KLHL1: variants seen among roughly 807,000 people sequenced by gnomAD.
KLHL1 encodes kelch-like protein 1.
KLHL1 carries 47 observed loss-of-function variants against 77.7 expected under a neutral mutation model. That is an observed-to-expected ratio of 0.60 (90% CI 0.48 to 0.77). KLHL1 has a LOEUF of 0.77. Among genes scored for constraint, KLHL1 ranks in the 30% least tolerant of loss-of-function variants. The probability of loss-of-function intolerance (pLI) is 0.00; values close to 1 mark genes in which losing one functional copy is unlikely to be tolerated. For synonymous variants in KLHL1, 360 were observed against 325.2 expected (o/e 1.11, Z -1.15); for missense variants, 925 against 910.8 (o/e 1.02, Z -0.20).
intron 4 of KLHL1, among the ~76,000 whole-genome samples, chr13:69,891,045 AATATAATTTCTTTAAGCATTCAAATT>A (rs1881410362): frequency 6.6e-6 from 1 of 152,086 alleles, no homozygotes; most frequent in South Asian, 2.1e-4. Flanking sequence ...ATAAACATGG[AATATAATTTCTTTAAGCATTCAAATT>A]ATATGTTAGT....
intron 1 of KLHL1, among the ~76,000 whole-genome samples, chr13:70,007,212 T>C (rs186404154): frequency 5.7e-4 from 86 of 152,154 alleles, no homozygotes; most frequent in African/African-American, 1.9e-3. Flanking sequence ...CGTATTGCAA[T>C]AAATCAAATG....
chr13:69,760,072 T>C (rs1401316406), intron 7 of KLHL1, among the ~76,000 whole-genome samples: 1 of 152,174 alleles, frequency 6.6e-6, no homozygotes, highest in South Asian at 2.1e-4. Flanking sequence ...GTCTGGTAAA[T>C]GTCAAAAACG....
chr13:70,087,351 A>G (rs1397933337), intron 1 of KLHL1, among the ~76,000 whole-genome samples: 1 of 152,168 alleles, frequency 6.6e-6, no homozygotes, highest in Non-Finnish European at 1.5e-5. Flanking sequence ...ATGGGTAAAA[A>G]TACATAATCA....
intron 5 of KLHL1, among the ~76,000 whole-genome samples, chr13:69,840,698 A>ATATATATGTATG (rs976775077): frequency 0.056 from 8,115 of 146,076 alleles, 325 homozygotes; most frequent in Non-Finnish European, 0.089. Flanking sequence ...ATATATATAT[A>ATATATATGTATG]TATGTATGTA....
intron 4 of KLHL1, among the ~76,000 whole-genome samples, chr13:69,896,643 G>A (rs1366013012): frequency 6.6e-6 from 1 of 151,852 alleles, no homozygotes; most frequent in Non-Finnish European, 1.5e-5. Flanking sequence ...GATGAAAAAG[G>A]GATGGCTTTA....
rs77222583 is a variant in KLHL1, at chr13:70,076,215, A to T, written c.497+30988T>A. On this transcript the variant is annotated intron_variant, in intron 1 of 10. Transcript: ENST00000377844. ...AAAAAGGTAAAGTCGGAGGATTGACACTACACAACTTCCAGACTTACTAAA... is the reference window on the plus strand; with the variant it reads ...AAAAAGGTAAAGTCGGAGGATTGACTCTACACAACTTCCAGACTTACTAAA... Among the ~76,000 whole-genome samples the T allele has an allele frequency of 5.9e-5, 9 of 152,060 alleles. No individual in the cohort carries two copies. In the East Asian group the frequency reaches 1.5e-3, roughly 26 times the overall value.
intron 3 of KLHL1, among the ~76,000 whole-genome samples, chr13:69,941,440 A>G (rs1321766684): frequency 6.6e-6 from 1 of 152,094 alleles, no homozygotes; most frequent in Non-Finnish European, 1.5e-5. Context: ...TGTGGTATAC[A>G]GCAAAAGTGA....
chr13:69,893,266 C>G (rs1186780046), intron 4 of KLHL1, among the ~76,000 whole-genome samples: 1 of 142,070 alleles, frequency 7.0e-6, no homozygotes, highest in Admixed American at 7.3e-5. Context: ...CTCGCTCTGT[C>G]GCCCAGGCCG....
At chr13:69,797,812 G>A (rs1405324931) in intron 6 of KLHL1, among the ~76,000 whole-genome samples, 2 of 143,680 alleles carry the variant, frequency 1.4e-5, no homozygotes, top group African/African-American at 5.4e-5. Context: ...CTGGGTGACA[G>A]AGCGAGACTC....
At chr13:69,705,426 G>T (rs1054639910) in intron 10 of KLHL1, among the ~76,000 whole-genome samples, 4 of 151,462 alleles carry the variant, frequency 2.6e-5, no homozygotes, top group African/African-American at 9.7e-5. Flanking sequence ...TCACATATTT[G>T]GATATTTTAA....
rs143436165 is a variant in KLHL1 at position 70,001,876 on chromosome 13, A to T, written c.498-26074T>A. 4.3e-4 allele frequency among the ~76,000 whole-genome samples: 66 copies of T among 151,774 alleles called. 2 individuals carry two copies. In the East Asian group the frequency reaches 0.012, roughly 28 times the overall value. ...CTAGAGAAAGCATTATATCTAATTA[A>T]GGCTTAACATCTAATTTACAGCTAA... is the stretch of plus-strand genomic sequence containing the variant. On this transcript the variant is annotated intron_variant, in intron 1 of 10. Coordinates refer to ENST00000377844, the MANE Select transcript of KLHL1 (RefSeq NM_020866.3).
rs368168135 is a variant in KLHL1, at chr13:69,795,312, T to C, written c.1639+1426A>G. Among the ~76,000 whole-genome samples the C allele has an allele frequency of 2.6e-5, 4 of 152,128 alleles. No homozygotes were observed. The East Asian group carries it at 7.7e-4, about 29-fold the overall frequency. On this transcript the variant is annotated intron_variant, in intron 7 of 10. Transcript: ENST00000377844. ...ATTTTACTTTGGATTGATGGTGGAG[T>C]AGACATGAATGCAAAATACAGTGCT...
At chr13:70,032,146 T>C (rs993687755) in intron 1 of KLHL1, among the ~76,000 whole-genome samples, 2 of 152,220 alleles carry the variant, frequency 1.3e-5, no homozygotes, top group African/African-American at 4.8e-5. Context: ...ATATCATCTG[T>C]GTAGTGCTAA....
chr13:69,730,831 C>A (rs538226287), intron 8 of KLHL1, among the ~76,000 whole-genome samples: 1 of 152,092 alleles, frequency 6.6e-6, no homozygotes, highest in Non-Finnish European at 1.5e-5. Context: ...CCTCTCACCT[C>A]GGCCTCCCAA....
chr13:69,860,250 A>C (rs532317981), intron 5 of KLHL1, among the ~76,000 whole-genome samples: 1 of 152,152 alleles, frequency 6.6e-6, no homozygotes, highest in South Asian at 2.1e-4. Flanking sequence ...GATATGAAAA[A>C]TCTCAATGTT....
chr13:69,873,535 T>C (rs1034546366), intron 5 of KLHL1, among the ~76,000 whole-genome samples: 6 of 152,172 alleles, frequency 3.9e-5, no homozygotes, highest in African/African-American at 1.4e-4. Context: ...ATCAATATGC[T>C]CTAATAACTC....
intron 1 of KLHL1, among the ~76,000 whole-genome samples, chr13:70,076,341 G>C (rs1288624469): frequency 6.8e-6 from 1 of 147,478 alleles, no homozygotes; most frequent in Non-Finnish European, 1.5e-5. Context: ...ATAGTCAACT[G>C]ATCTTTCACA....
intron 7 of KLHL1, among the ~76,000 whole-genome samples, chr13:69,769,570 T>A (rs1010168721): frequency 6.6e-6 from 1 of 152,104 alleles, no homozygotes; most frequent in Non-Finnish European, 1.5e-5. Context: ...TGCCACTCTT[T>A]CCAGATTGTA....
intron 5 of KLHL1, among the ~76,000 whole-genome samples, chr13:69,869,357 C>A (rs1593903707): frequency 1.3e-5 from 2 of 151,828 alleles, no homozygotes. Flanking sequence ...GCACTATTTT[C>A]TTAATGTTTA....
Sources: gnomAD v4.1 joint callset for allele counts (sites outside exome capture counted in the v4.1 genomes callset) on GRCh38, gnomAD v4.1.1 for gene constraint, MANE v1.5 for transcripts, NCBI Gene and HGNC (gene_info 2026-07-23, HGNC 2026-07-21) for gene names.